Variants in CYTH1 observed in about 807,000 individuals in gnomAD.
The protein encoded by CYTH1 is cytohesin 1, also known as cytohesin-1.
CYTH1 carries 18 observed loss-of-function variants against 61.8 expected under a neutral mutation model. That is an observed-to-expected ratio of 0.29 (90% CI 0.20 to 0.43). The LOEUF (loss-of-function observed/expected upper bound fraction) is 0.43, where lower values mean the gene tolerates loss of function less well. CYTH1 is among the 20% of genes least tolerant of loss of function. The pLI, the probability that CYTH1 is intolerant of heterozygous loss-of-function variation, is 1.00. For synonymous variants in CYTH1, 174 were observed against 184.3 expected (o/e 0.94, Z 0.45); for missense variants, 336 against 510.5 (o/e 0.66, Z 3.29).
At chr17:78,774,357 A>G (rs1290211181) in intron 1 of CYTH1, among the ~76,000 whole-genome samples, 2 of 152,246 alleles carry the variant, frequency 1.3e-5, no homozygotes, top group African/African-American at 2.4e-5. Context: ...GCAAATCAGT[A>G]AGTTAGTAAC....
At chr17:78,721,804 AAG>A (rs1463826854) in intron 1 of CYTH1, among the ~76,000 whole-genome samples, 1 of 152,126 alleles carries the variant, frequency 6.6e-6, no homozygotes, top group East Asian at 1.9e-4. Flanking sequence ...AGCACTTTGG[AAG>A]GCCGAGGCTC....
At chr17:78,677,367 G>A (rs576453962) in intron 13 of CYTH1, 177 of 225,850 alleles carry the variant, frequency 7.8e-4, no homozygotes, top group Middle Eastern at 5.2e-3. Flanking sequence ...GCTGGGCTGC[G>A]GTCGGACACC....
chr17:78,777,788 C>G (rs1456212349), intron 1 of CYTH1, among the ~76,000 whole-genome samples: 1 of 147,992 alleles, frequency 6.8e-6, no homozygotes, highest in East Asian at 2.0e-4. Flanking sequence ...AGATCGAGAC[C>G]ATCCTAGCTA....
chr17:78,711,721 TA>T (rs1363952105), intron 1 of CYTH1, among the ~76,000 whole-genome samples: 4 of 151,412 alleles, frequency 2.6e-5, no homozygotes, highest in African/African-American at 4.9e-5. Context: ...TTTTTTTTTT[TA>T]ACCTAGGTTT....
intron 1 of CYTH1, among the ~76,000 whole-genome samples, chr17:78,774,647 G>C (rs955373287): frequency 6.6e-6 from 1 of 152,028 alleles, no homozygotes; most frequent in African/African-American, 2.4e-5. Context: ...AATGCAACAG[G>C]CTCCTCTCCC....
Position 78,751,569 on chromosome 17 carries a change from G to A in CYTH1, c.22+30633C>T, listed in dbSNP as rs117092067. On this transcript the variant is annotated intron_variant, in intron 1 of 13. Coordinates refer to ENST00000446868, the MANE Select transcript of CYTH1 (RefSeq NM_004762.6). The stretch of plus-strand genomic sequence containing the variant: ...AAGAAATCAGTCACCTTGTTTCACA[G>A]TGGCTGGAAATGTGTACACTGAGCA... Among the ~76,000 whole-genome samples the A allele has an allele frequency of 1.4e-4, 22 of 152,208 alleles. No individual in the cohort carries two copies. In the East Asian group the frequency reaches 4.0e-3, roughly 28 times the overall value.
At chr17:78,679,631 C>G (rs2092736786) in intron 13 of CYTH1, among the ~76,000 whole-genome samples, 1 of 152,184 alleles carries the variant, frequency 6.6e-6, no homozygotes, top group South Asian at 2.1e-4. Flanking sequence ...CCAGTGGAGC[C>G]AACAGAGCCG....
chr17:78,702,199 A>G lies in CYTH1; in HGVS notation c.279T>C (p.Thr93=). The part of the protein sequence containing the change: ...FLIENDLLKN[T]CEDIAQFLYK... ...ATAAGAACTGGGCAATGTCTTCACA[A>G]GTGTTCTTCAGGAGGTCGTTCTCTA... Residue 93 remains threonine (T), a synonymous_variant, in exon 5 of 14, where the codon ACT becomes ACC. Coordinates refer to ENST00000446868, the MANE Select transcript of CYTH1 (RefSeq NM_004762.6). 1 of 1,614,196 alleles carries G rather than the reference A, an allele frequency of 6.2e-7. No homozygotes were observed. Among genetic ancestry groups the G allele is most frequent in the Non-Finnish European group, 8.5e-7 (1 of 1,180,024 alleles).
intron 13 of CYTH1, chr17:78,677,406 T>G (rs1567819207): frequency 5.0e-6 from 1 of 199,132 alleles, no homozygotes; most frequent in Non-Finnish European, 1.0e-5. Context: ...TGCCTGGCCC[T>G]GCCTGCTGCT....
intron 1 of CYTH1, among the ~76,000 whole-genome samples, chr17:78,720,849 T>C (rs2093222275): frequency 6.6e-6 from 1 of 152,176 alleles, no homozygotes. Flanking sequence ...GCATCCAGCC[T>C]GGGCGACAGA....
chr17:78,696,062 G>T, intron 9 of CYTH1, 53 bp from the exon 10 acceptor site: 1 of 1,367,092 alleles, frequency 7.3e-7, no homozygotes, highest in Non-Finnish European at 9.8e-7. Context: ...ACATACAAAT[G>T]AGGGAGAAAA....
intron 11 of CYTH1, among the ~76,000 whole-genome samples, chr17:78,687,964 G>A (rs974274849): frequency 6.6e-6 from 1 of 152,218 alleles, no homozygotes; most frequent in African/African-American, 2.4e-5. Flanking sequence ...GAAGCCGTGT[G>A]TGCTCTGCGT....
intron 1 of CYTH1, among the ~76,000 whole-genome samples, chr17:78,764,324 G>A (rs1007459942): frequency 2.6e-5 from 4 of 150,974 alleles, no homozygotes; most frequent in Non-Finnish European, 5.9e-5. Flanking sequence ...AGCCTCCTGA[G>A]TAGCTGGGAC....
In CYTH1 at chr17:78,717,527, C is replaced by T. The variant is rs765747407; in HGVS notation, c.23-7795G>A. Among the ~76,000 whole-genome samples, 4 of 152,106 alleles carry T rather than the reference C, an allele frequency of 2.6e-5. No individual in the cohort carries two copies. Among genetic ancestry groups the T allele is most frequent in the African/African-American group, 7.2e-5 (3 of 41,406 alleles). ...ATGTTGCTTTGCAGATTTTAACAGT[C>T]GGCAGAAACCCAGAGCTGAAATGGG... On this transcript the variant is annotated intron_variant, in intron 1 of 13. Transcript: ENST00000446868. The surrounding 1 kb of genome is among the most constrained non-coding windows in gnomAD (Gnocchi z 4.4).
chr17:78,698,693 TG>T, intron 8 of CYTH1, 126 bp downstream of exon 8: 1 of 1,174,490 alleles, frequency 8.5e-7, no homozygotes, highest in East Asian at 2.6e-5. Context: ...GAAATTCACA[TG>T]GTTAAACAAA....
chr17:78,708,323 A>G, intron 2 of CYTH1, 62 bp from the exon 3 acceptor site: 1 of 1,453,648 alleles, frequency 6.9e-7, no homozygotes, highest in East Asian at 2.4e-5. Context: ...TAAAACTTCT[A>G]AAATCTCACA....
In CYTH1 at chr17:78,702,168, C is replaced by A; in HGVS notation, c.310G>T (p.Gly104Cys). 1 of 1,614,210 alleles carries A rather than the reference C, an allele frequency of 6.2e-7. No individual in the cohort carries two copies. Among genetic ancestry groups the A allele is most frequent in the Non-Finnish European group, 8.5e-7 (1 of 1,180,046 alleles). ...CEDIAQFLYKGEGLNKTAIGD... is the reference protein window; with the variant it reads ...CEDIAQFLYKCEGLNKTAIGD... ...ATGGCTGTCTTGTTGAGCCCTTCGCCTTTATATAAGAACTGGGCAATGTCT... is the reference window on the plus strand; with the variant it reads ...ATGGCTGTCTTGTTGAGCCCTTCGCATTTATATAAGAACTGGGCAATGTCT... Residue 104 changes from glycine to cysteine, a missense_variant, in exon 5 of 14, where the codon GGC (glycine) becomes TGC (cysteine). By Grantham distance (159) the Gly-to-Cys change is radical. Around this residue, in one of 4 missense-constraint regions of CYTH1, gnomAD observed 112 missense variants for 127.1 expected, o/e 0.88. Transcript: ENST00000446868.
intron 12 of CYTH1, 28 bp from the exon 13 acceptor site, chr17:78,680,372 G>C (rs749875162): frequency 2.5e-6 from 4 of 1,595,234 alleles, no homozygotes; most frequent in East Asian, 2.2e-5. Flanking sequence ...GAGGGAGAGA[G>C]TGGAGCAAAG....
In CYTH1 at chr17:78,693,079, T is replaced by C. The variant is rs757737567; in HGVS notation, c.815-586A>G. ...GCTTCTACACTGGCTCTTAACCTTA[T>C]GTGCTAGTGTCCTGAAAACAAAATC... On this transcript the variant is annotated intron_variant, in intron 10 of 13. Transcript: ENST00000446868. Among the ~76,000 whole-genome samples the C allele has an allele frequency of 2.8e-4, 43 of 152,324 alleles. No homozygotes were observed. The Middle Eastern group carries it at 0.02, about 72-fold the overall frequency.
Sources: gnomAD v4.1 joint callset for allele counts (sites outside exome capture counted in the v4.1 genomes callset) on GRCh38, gnomAD v4.1.1 for gene constraint, gnomAD v4.1.1 regional missense constraint, Gnocchi (gnomAD v3.1) non-coding constraint, MANE v1.5 for transcripts, NCBI Gene and HGNC (gene_info 2026-07-23, HGNC 2026-07-21) for gene names.